The following CCSER1 variants were observed in gnomAD, a reference collection of about 807,000 sequenced individuals.
CCSER1 encodes serine-rich coiled-coil domain-containing protein 1.
In CCSER1, 41 loss-of-function variants were observed where a neutral mutation model predicts 82.0. The ratio of observed to expected loss-of-function variants is 0.50; its 90% CI spans 0.39 to 0.65. The LOEUF (loss-of-function observed/expected upper bound fraction) is 0.65, where lower values mean the gene tolerates loss of function less well. Ranked by LOEUF, CCSER1 falls within the 30% of genes least tolerant of loss-of-function variation. CCSER1 has a pLI of 0.00. For synonymous variants in CCSER1, 414 were observed against 383.9 expected, an observed-to-expected ratio of 1.08 and a Z score of -0.92; for missense variants, 1,119 against 1,064.2, an observed-to-expected ratio of 1.05 and a Z score of -0.72.
intron 10 of CCSER1, among the ~76,000 whole-genome samples, chr4:91,329,782 A>G (rs532586459): frequency 6.6e-6 from 1 of 152,264 alleles, no homozygotes; most frequent in Non-Finnish European, 1.5e-5. Context: ...TTTCTTATGT[A>G]AAATTGTTAG....
intron 10 of CCSER1, among the ~76,000 whole-genome samples, chr4:91,519,403 T>C (rs1229521008): frequency 6.6e-6 from 1 of 152,206 alleles, no homozygotes; most frequent in African/African-American, 2.4e-5. Flanking sequence ...GGTTGGCTGG[T>C]GTCCCAGACC....
At chr4:91,378,599 T>A (rs1267138448) in intron 10 of CCSER1, among the ~76,000 whole-genome samples, 1 of 152,228 alleles carries the variant, frequency 6.6e-6, no homozygotes, top group Non-Finnish European at 1.5e-5. Flanking sequence ...CACATTGATT[T>A]TGTATCCTGA....
chr4:90,896,784 A>G, intron 8 of CCSER1, among the ~76,000 whole-genome samples: 1 of 152,122 alleles, frequency 6.6e-6, no homozygotes, highest in South Asian at 2.1e-4. Flanking sequence ...CCATGAAGAT[A>G]TTCTTAAAAT....
intron 10 of CCSER1, among the ~76,000 whole-genome samples, chr4:91,498,458 CT>C (rs34213352): frequency 0.68 from 102,358 of 149,970 alleles, 35,246 homozygotes; most frequent in Non-Finnish European, 0.75. Flanking sequence ...TCTATTTATG[CT>C]TTTTTTTTTA....
At chr4:90,172,203 T>G (rs1731829724) in intron 1 of CCSER1, among the ~76,000 whole-genome samples, 1 of 151,952 alleles carries the variant, frequency 6.6e-6, no homozygotes, top group South Asian at 2.1e-4. Flanking sequence ...TTGTCTATAG[T>G]TACTCTAGAA....
At chr4:90,608,625 A>G (rs1444380776) in intron 5 of CCSER1, among the ~76,000 whole-genome samples, 4 of 152,156 alleles carry the variant, frequency 2.6e-5, no homozygotes, top group Non-Finnish European at 5.9e-5. Flanking sequence ...TAAGAGGTAG[A>G]TAACTAATAG....
At chr4:91,164,603 A>C (rs1731827032) in intron 10 of CCSER1, among the ~76,000 whole-genome samples, 1 of 152,166 alleles carries the variant, frequency 6.6e-6, no homozygotes, top group South Asian at 2.1e-4. Flanking sequence ...ACATAGTCCC[A>C]TATTTCTTGT....
rs1272447601 is a variant in CCSER1, at chr4:91,358,994, C to G, written c.2218-239578C>G. 2.6e-5 allele frequency among the ~76,000 whole-genome samples: 4 copies of G among 152,106 alleles called. No homozygotes were observed. In the East Asian group the frequency reaches 7.7e-4, roughly 29 times the overall value. On this transcript the variant is annotated intron_variant, in intron 10 of 10. Transcript: ENST00000509176. ...GCCGCAGACAAAACCTCTCAGACACCGAGTTGTAGAAGGAAGGGCTTTATT... is the reference window on the plus strand; with the variant it reads ...GCCGCAGACAAAACCTCTCAGACACGGAGTTGTAGAAGGAAGGGCTTTATT...
intron 1 of CCSER1, among the ~76,000 whole-genome samples, chr4:90,262,486 A>G (rs1490670767): frequency 1.3e-5 from 2 of 152,068 alleles, no homozygotes; most frequent in Non-Finnish European, 2.9e-5. Context: ...TCATTGCCCC[A>G]TCGTATGCAT....
At chr4:90,712,917 T>TA (rs201246532) in intron 6 of CCSER1, among the ~76,000 whole-genome samples, 7,471 of 149,174 alleles carry the variant, frequency 0.05, 263 homozygotes, top group East Asian at 0.15. Context: ...TTTTTTTTTT[T>TA]AATCATTGTT....
At chr4:91,010,211 C>A (rs1327824294) in intron 9 of CCSER1, among the ~76,000 whole-genome samples, 1 of 151,908 alleles carries the variant, frequency 6.6e-6, no homozygotes, top group African/African-American at 2.4e-5. Flanking sequence ...GTTTTTGTTT[C>A]CAGAACAATG....
chr4:91,252,049 G>A (rs968095789), intron 10 of CCSER1, among the ~76,000 whole-genome samples: 9 of 152,174 alleles, frequency 5.9e-5, no homozygotes, highest in African/African-American at 1.7e-4. Flanking sequence ...CAAACTTTTC[G>A]AAGACAGACA....
At chr4:90,969,075 A>C (rs905824798) in intron 9 of CCSER1, among the ~76,000 whole-genome samples, 4 of 151,918 alleles carry the variant, frequency 2.6e-5, no homozygotes, top group African/African-American at 4.8e-5. Flanking sequence ...AGCATCTGTG[A>C]ATGTAAAGAC....
intron 10 of CCSER1, among the ~76,000 whole-genome samples, chr4:91,234,488 A>C (rs558270040): frequency 2.0e-5 from 3 of 152,222 alleles, no homozygotes; most frequent in Non-Finnish European, 2.9e-5. Flanking sequence ...GAATGACCTA[A>C]AAGCCAGAAA....
intron 10 of CCSER1, among the ~76,000 whole-genome samples, chr4:91,237,986 A>G (rs1739147763): frequency 6.6e-6 from 1 of 152,158 alleles, no homozygotes; most frequent in Non-Finnish European, 1.5e-5. Context: ...TGTGTCAGGA[A>G]GCCTCTGGGG....
chr4:91,246,595 G>T (rs1022395023), intron 10 of CCSER1, among the ~76,000 whole-genome samples: 1 of 152,142 alleles, frequency 6.6e-6, no homozygotes, highest in Admixed American at 6.5e-5. Flanking sequence ...TCCTATGTTT[G>T]TTGCAGCACT....
At chr4:90,724,091 A>G (rs1743207327) in intron 7 of CCSER1, 100 bp downstream of exon 7, 1 of 653,092 alleles carries the variant, frequency 1.5e-6, no homozygotes, top group African/African-American at 1.9e-5. Context: ...AACTGCTTTA[A>G]TCTTCAAGGG....
At chr4:90,640,274 A>C (rs1025209975) in intron 6 of CCSER1, among the ~76,000 whole-genome samples, 3 of 152,112 alleles carry the variant, frequency 2.0e-5, no homozygotes, top group Non-Finnish European at 4.4e-5. Context: ...ATTGTTTGTT[A>C]ATTCCTTTAT....
intron 10 of CCSER1, among the ~76,000 whole-genome samples, chr4:91,176,250 G>C (rs1232099073): frequency 6.6e-6 from 1 of 152,166 alleles, no homozygotes; most frequent in Non-Finnish European, 1.5e-5. Context: ...TTTGAAGTCA[G>C]GTAGCGTGAT....
Sources: gnomAD v4.1 joint callset for allele counts (sites outside exome capture counted in the v4.1 genomes callset) on GRCh38, gnomAD v4.1.1 for gene constraint, MANE v1.5 for transcripts, NCBI Gene and HGNC (gene_info 2026-07-23, HGNC 2026-07-21) for gene names.